Variants in ADARB2 observed in about 807,000 individuals in gnomAD.
ADARB2 encodes adenosine deaminase RNA specific B2 (inactive), also known as inactive double-stranded RNA-specific editase B2.
In ADARB2, 25 loss-of-function variants were observed where a neutral mutation model predicts 62.2. The ratio of observed to expected loss-of-function variants is 0.40; its 90% confidence interval spans 0.29 to 0.56. The LOEUF (loss-of-function observed/expected upper bound fraction) is 0.56. ADARB2 is among the 20% of genes least tolerant of loss of function. The pLI, the probability that ADARB2 is intolerant of heterozygous loss-of-function variation, is 0.43. For synonymous variants in ADARB2, 572 were observed against 500.8 expected (o/e 1.14, Z -1.90); for missense variants, 1,071 against 1,077.4 (o/e 0.99, Z 0.08).
chr10:1,464,174 CAGTGCGCCGGAGAAGAG>C (rs1831215235), intron 1 of ADARB2, among the ~76,000 whole-genome samples: 1 of 146,662 alleles, frequency 6.8e-6, no homozygotes, highest in African/African-American at 2.5e-5. Flanking sequence ...TCACAGCGGG[CAGTGCGCCGGAGAAGAG>C]GGTGGACACA....
intron 1 of ADARB2, among the ~76,000 whole-genome samples, chr10:1,396,349 C>T (rs1026877356): frequency 6.6e-6 from 1 of 152,198 alleles, no homozygotes; most frequent in African/African-American, 2.4e-5. Context: ...CACGCCTCGG[C>T]CGACGCAGCC....
At chr10:1,381,592 A>G (rs1388940947) in intron 1 of ADARB2, among the ~76,000 whole-genome samples, 1 of 152,216 alleles carries the variant, frequency 6.6e-6, no homozygotes, top group African/African-American at 2.4e-5. Flanking sequence ...AAGCAACTCA[A>G]GTGTCCTTCA....
intron 1 of ADARB2, among the ~76,000 whole-genome samples, chr10:1,412,167 G>C (rs974361345): frequency 6.6e-6 from 1 of 152,256 alleles, no homozygotes; most frequent in Non-Finnish European, 1.5e-5. Context: ...GCTGAGGCTC[G>C]GGACGATGCT....
intron 7 of ADARB2, among the ~76,000 whole-genome samples, chr10:1,214,117 G>GCC (rs1837198618): frequency 9.1e-6 from 1 of 110,414 alleles, no homozygotes; most frequent in African/African-American, 3.3e-5. Flanking sequence ...TTGCACCTGT[G>GCC]TCCAGCGTCA....
intron 5 of ADARB2, chr10:1,240,467 C>A (rs3793739): frequency 0.25 from 38,851 of 152,360 alleles, 6,334 homozygotes; most frequent in South Asian, 0.5. Context: ...ATCACACAGG[C>A]AACAGAACAG....
In ADARB2 at chr10:1,449,113, T is replaced by C. The variant is rs529453017; in HGVS notation, c.101-69953A>G. ...CCTGCCTCCATCCTCGGTCTTTCCATGAGTCTGGATGAGACCAGGTCCCCC... is the reference window on the plus strand; with the variant it reads ...CCTGCCTCCATCCTCGGTCTTTCCACGAGTCTGGATGAGACCAGGTCCCCC... On this transcript the variant is annotated intron_variant, in intron 1 of 9. Transcript: ENST00000381312. Among the ~76,000 whole-genome samples, 3 of 152,318 alleles carry C rather than the reference T, an allele frequency of 2.0e-5. No individual in the cohort carries two copies. In the East Asian group the frequency reaches 5.8e-4, roughly 29 times the overall value.
At chr10:1,200,345 C>T (rs934859917) in intron 7 of ADARB2, 198 bp from the exon 8 acceptor site, 2 of 696,268 alleles carry the variant, frequency 2.9e-6, no homozygotes, top group Non-Finnish European at 5.2e-6. Flanking sequence ...GGACTGGGCT[C>T]CACAGGCCCA....
intron 1 of ADARB2, among the ~76,000 whole-genome samples, chr10:1,479,281 C>T (rs540028190): frequency 6.6e-5 from 10 of 152,270 alleles, no homozygotes; most frequent in South Asian, 6.2e-4. Context: ...GCAGCAGCCA[C>T]GTGGAGCAGG....
At chr10:1,711,258 C>G (rs1834946074) in intron 1 of ADARB2, among the ~76,000 whole-genome samples, 1 of 152,160 alleles carries the variant, frequency 6.6e-6, no homozygotes, top group Admixed American at 6.5e-5. Flanking sequence ...AACTCAAGGT[C>G]TCCTATCTGT....
chr10:1,725,623 C>A (rs989340659), intron 1 of ADARB2, among the ~76,000 whole-genome samples: 1 of 152,220 alleles, frequency 6.6e-6, no homozygotes, highest in African/African-American at 2.4e-5. Context: ...ACCCACCCAC[C>A]CGGGGCAACA....
At chr10:1,421,987 G>A (rs1832856089) in intron 1 of ADARB2, among the ~76,000 whole-genome samples, 1 of 152,224 alleles carries the variant, frequency 6.6e-6, no homozygotes, top group South Asian at 2.1e-4. Flanking sequence ...ACCTACTCTA[G>A]TGGCAGAGTG....
intron 8 of ADARB2, chr10:1,199,538 A>T: frequency 6.2e-6 from 1 of 162,494 alleles, no homozygotes; most frequent in Non-Finnish European, 1.3e-5. Context: ...GGTTCCGAAG[A>T]CCCGCTCTGG....
At chr10:1,185,557 G>A (rs1836741379) in intron 8 of ADARB2, among the ~76,000 whole-genome samples, 1 of 152,200 alleles carries the variant, frequency 6.6e-6, no homozygotes, top group Non-Finnish European at 1.5e-5. Flanking sequence ...CAATTGATCC[G>A]CAATGTGATC....
chr10:1,640,908 C>T (rs923640319), intron 1 of ADARB2, among the ~76,000 whole-genome samples: 27 of 152,084 alleles, frequency 1.8e-4, no homozygotes, highest in African/African-American at 6.0e-4. Context: ...TAACGCATCC[C>T]GGCTGGACAA....
intron 3 of ADARB2, among the ~76,000 whole-genome samples, chr10:1,279,744 C>T (rs1831353818): frequency 6.6e-6 from 1 of 152,150 alleles, no homozygotes; most frequent in Non-Finnish European, 1.5e-5. Flanking sequence ...TTCCTTGTTG[C>T]CTCTTTCTCT....
intron 8 of ADARB2, among the ~76,000 whole-genome samples, chr10:1,190,252 G>T (rs1836824089): frequency 6.6e-6 from 1 of 152,046 alleles, no homozygotes; most frequent in African/African-American, 2.4e-5. Flanking sequence ...ACACGTGCTT[G>T]CACAGGGGTC....
At chr10:1,448,348 A>T (rs1830996105) in intron 1 of ADARB2, among the ~76,000 whole-genome samples, 1 of 152,170 alleles carries the variant, frequency 6.6e-6, no homozygotes, top group South Asian at 2.1e-4. Context: ...TCCAAAGTGA[A>T]CATGGGTTTT....
At chr10:1,447,647 G>A (rs1262814955) in intron 1 of ADARB2, among the ~76,000 whole-genome samples, 1 of 152,106 alleles carries the variant, frequency 6.6e-6, no homozygotes, top group Non-Finnish European at 1.5e-5. Flanking sequence ...CTTGTGTCAC[G>A]GGGGTTTGCT....
intron 1 of ADARB2, among the ~76,000 whole-genome samples, chr10:1,478,723 C>A (rs987955386): frequency 2.0e-5 from 3 of 151,802 alleles, no homozygotes; most frequent in Non-Finnish European, 4.4e-5. Context: ...AAAACAAGGA[C>A]CCTCGGACGG....
Sources: gnomAD v4.1 joint callset for allele counts (sites outside exome capture counted in the v4.1 genomes callset) on GRCh38, gnomAD v4.1.1 for gene constraint, MANE v1.5 for transcripts, NCBI Gene and HGNC (gene_info 2026-07-23, HGNC 2026-07-21) for gene names.